Variants in DPYSL2 observed in about 807,000 individuals in gnomAD.
DPYSL2 encodes dihydropyrimidinase like 2, also known as dihydropyrimidinase-related protein 2.
In DPYSL2, 13 loss-of-function variants were observed where a neutral mutation model predicts 69.9. The observed-to-expected ratio is 0.19, with a 90% confidence interval of 0.12 to 0.30. The LOEUF is 0.30. Ranked by LOEUF, DPYSL2 falls within the 10% of genes least tolerant of loss-of-function variation. The pLI is 1.00. For synonymous variants in DPYSL2, 326 were observed against 359.1 expected (o/e 0.91, Z 1.04); for missense variants, 587 against 918.9 (o/e 0.64, Z 4.67).
chr8:26,515,439 C>G (rs926099630), intron 1 of DPYSL2, among the ~76,000 whole-genome samples: 3 of 152,128 alleles, frequency 2.0e-5, no homozygotes, highest in Admixed American at 2.0e-4. Flanking sequence ...GGATTATGTT[C>G]AAAGGGTCAA....
rs1470797472 is a variant in DPYSL2, at chr8:26,648,323, G to C, written c.1596+523G>C. Among the ~76,000 whole-genome samples, 1 of 152,156 alleles carries C rather than the reference G, an allele frequency of 6.6e-6. No homozygotes were observed. Among genetic ancestry groups the C allele is most frequent in the Non-Finnish European group, 1.5e-5 (1 of 68,022 alleles). On this transcript the variant is annotated intron_variant, in intron 11 of 13. Coordinates refer to ENST00000521913, the MANE Select transcript of DPYSL2 (RefSeq NM_001197293.3). This position sits in a 1 kb window ranked among gnomAD's most constrained non-coding sequence, Gnocchi z 4.3. The stretch of plus-strand genomic sequence containing the variant: ...TTCTCCCTAACAGAAGTACCCCCCA[G>C]CCATTTGATTGTTGTTTTAGGATCT...
chr8:26,613,467 TTCCTGCAGTGGGTGCCCATCC>T (rs1439327907), intron 3 of DPYSL2, among the ~76,000 whole-genome samples: 1 of 152,226 alleles, frequency 6.6e-6, no homozygotes, highest in Non-Finnish European at 1.5e-5. Context: ...AGTGGCTCCC[TTCCTGCAGTGGGTGCCCATCC>T]TGGCAGGTAC....
chr8:26,559,713 G>A (rs373441322), intron 1 of DPYSL2, among the ~76,000 whole-genome samples: 17 of 151,950 alleles, frequency 1.1e-4, no homozygotes, highest in Non-Finnish European at 2.1e-4. Flanking sequence ...TTAATTTATC[G>A]TCTACTTTTA....
intron 1 of DPYSL2, among the ~76,000 whole-genome samples, chr8:26,532,520 G>A (rs79158958): frequency 1.3e-5 from 2 of 152,074 alleles, no homozygotes; most frequent in African/African-American, 4.8e-5. Context: ...GTAAACAGTC[G>A]CTATCCATTT....
Position 26,627,099 on chromosome 8 carries a change from A to G in DPYSL2, c.856-116A>G, listed in dbSNP as rs922271555. 28 of 921,184 alleles carry G rather than the reference A, an allele frequency of 3.0e-5. No homozygotes were observed. Among genetic ancestry groups the G allele is most frequent in the African/African-American group, 2.0e-4 (12 of 60,588 alleles). The allele number at this position is 921,184 out of a possible 1,614,324, so 57.1% of individuals were successfully genotyped here. A position where few individuals can be genotyped will look rare whatever the true frequency, so the allele number is the denominator to read the frequency against. On this transcript the variant is annotated intron_variant, in intron 5 of 13. Coordinates refer to ENST00000521913, the MANE Select transcript of DPYSL2 (RefSeq NM_001197293.3). This position sits in a 1 kb window ranked among gnomAD's most constrained non-coding sequence, Gnocchi z 6.9. ...TATCAAAAAAAGTCAGGCTAATAGA[A>G]TCGCCTAGGTGTCCTGTTTCTCATC...
chr8:26,567,051 C>G (rs1801161398), intron 1 of DPYSL2, among the ~76,000 whole-genome samples: 1 of 151,816 alleles, frequency 6.6e-6, no homozygotes, highest in Admixed American at 6.6e-5. Flanking sequence ...CACCTACCCA[C>G]TCAGCCATCC....
intron 1 of DPYSL2, among the ~76,000 whole-genome samples, chr8:26,569,599 G>A (rs941485708): frequency 6.6e-6 from 1 of 152,108 alleles, no homozygotes; most frequent in Admixed American, 6.5e-5. Context: ...TGGTTTAGGG[G>A]CTTTGCAATT....
Position 26,582,376 on chromosome 8 carries a change from C to G in DPYSL2, c.443+319C>G, listed in dbSNP as rs1268686728. Among the ~76,000 whole-genome samples the G allele has an allele frequency of 6.6e-6, 1 of 152,124 alleles. No homozygotes were observed. The highest frequency in any genetic ancestry group is 1.5e-5 in the Non-Finnish European group (1 of 68,020). On this transcript the variant is annotated intron_variant, in intron 2 of 13. Transcript: ENST00000521913. The surrounding 1 kb of genome is among the most constrained non-coding windows in gnomAD (Gnocchi z 4.1). ...ATATGTTGAATATATTAAAGTTTTG[C>G]CTAGAATGTCATTGTTTGGGTTGGA...
chr8:26,639,699 T>C (rs1802997434), intron 8 of DPYSL2, among the ~76,000 whole-genome samples: 1 of 152,184 alleles, frequency 6.6e-6, no homozygotes, highest in Non-Finnish European at 1.5e-5. Context: ...TACAAAAATG[T>C]TTAAGGTATC....
rs143332973 is a variant in DPYSL2 at position 26,634,045 on chromosome 8, A to G, written c.1006-735A>G. ...ACTCAAGACCCTGGGAGCAGAATGA[A>G]TATATGGAATTGAGAGCAATCAGTG... is the stretch of plus-strand genomic sequence containing the variant. On this transcript the variant is annotated intron_variant, in intron 7 of 13. Transcript: ENST00000521913. Among the ~76,000 whole-genome samples, 902 of 152,338 alleles carry G rather than the reference A, an allele frequency of 5.9e-3. 7 individuals are homozygous for G. Among genetic ancestry groups the G allele is most frequent in the South Asian group, 0.033 (161 of 4,824 alleles).
intron 3 of DPYSL2, among the ~76,000 whole-genome samples, chr8:26,622,510 T>C (rs1000663661): frequency 6.6e-6 from 1 of 151,258 alleles, no homozygotes; most frequent in Non-Finnish European, 1.5e-5. Context: ...ATATATATTT[T>C]TTTTTTTCTT....
chr8:26,558,288 A>G (rs1023606658), intron 1 of DPYSL2, among the ~76,000 whole-genome samples: 1 of 152,216 alleles, frequency 6.6e-6, no homozygotes, highest in Non-Finnish European at 1.5e-5. Flanking sequence ...CAAGCCATTA[A>G]AAGAAATGAA....
At position 26,647,808 on chromosome 8, in the gene DPYSL2, C is replaced by G; in HGVS notation, c.1596+8C>G. ...GCCAAGACACACAACAGCGTAAGAC[C>G]TGTTAACTGTGCAGACCCCATCCAA... On this transcript the variant is annotated splice_region_variant and intron_variant, in intron 11 of 13. Coordinates refer to ENST00000521913, the MANE Select transcript of DPYSL2 (RefSeq NM_001197293.3). This position sits in a 1 kb window ranked among gnomAD's most constrained non-coding sequence, Gnocchi z 5.1. 1 of 1,609,708 alleles carries G rather than the reference C, an allele frequency of 6.2e-7. No homozygotes were observed. Among genetic ancestry groups the G allele is most frequent in the South Asian group, 1.1e-5 (1 of 90,296 alleles).
chr8:26,583,740 A>G (rs1187326195), intron 2 of DPYSL2, 59 bp from the exon 3 acceptor site: 6 of 1,490,082 alleles, frequency 4.0e-6, no homozygotes, highest in East Asian at 4.5e-5. Flanking sequence ...AGTAGCTGTC[A>G]GATCCCATTT....
In DPYSL2 at chr8:26,624,277, G is replaced by A; in HGVS notation, c.763G>A (p.Glu255Lys). The change falls in exon 4 of 14, where the codon GAG (glutamate) becomes AAG (lysine). Residue 255 changes from glutamate to lysine, a missense_variant. Glu to Lys is a moderately conservative substitution (Grantham distance 56, BLOSUM62 1). Coordinates refer to ENST00000521913, the MANE Select transcript of DPYSL2 (RefSeq NM_001197293.3). This position sits in a 1 kb window ranked among gnomAD's most constrained non-coding sequence, Gnocchi z 4.7. ...DISEWHKGIQ[E>K]EMEALVKDHG... ...CAGTGAGTGGCATAAGGGCATCCAG[G>A]AGGAGATGGAAGCGCTTGTGAAGGA... 6.2e-7 allele frequency: 1 copy of A among 1,614,194 alleles called. No individual in the cohort carries two copies. The highest frequency in any genetic ancestry group is 8.5e-7 in the Non-Finnish European group (1 of 1,180,036).
chr8:26,539,837 C>T (rs1311045497), intron 1 of DPYSL2, among the ~76,000 whole-genome samples: 1 of 152,212 alleles, frequency 6.6e-6, no homozygotes, highest in Non-Finnish European at 1.5e-5. Context: ...CCAACACCCT[C>T]ACACCCACCT....
chr8:26,602,680 A>ATTC (rs1802019061), intron 3 of DPYSL2, among the ~76,000 whole-genome samples: 1 of 152,188 alleles, frequency 6.6e-6, no homozygotes, highest in African/African-American at 2.4e-5. Context: ...TTATTCATCC[A>ATTC]TTCATCCATT....
At chr8:26,590,021 G>T (rs1046003675) in intron 3 of DPYSL2, among the ~76,000 whole-genome samples, 1 of 152,332 alleles carries the variant, frequency 6.6e-6, no homozygotes, top group African/African-American at 2.4e-5. Context: ...CTTGTCATTT[G>T]TTCATCCATG....
intron 1 of DPYSL2, among the ~76,000 whole-genome samples, chr8:26,524,773 G>A (rs71519604): frequency 1.8e-5 from 2 of 112,842 alleles, no homozygotes; most frequent in Non-Finnish European, 3.3e-5. Context: ...CTGCACTCAA[G>A]CCTGAAGGAC....
Sources: gnomAD v4.1 joint callset for allele counts (sites outside exome capture counted in the v4.1 genomes callset) on GRCh38, gnomAD v4.1.1 for gene constraint, Gnocchi (gnomAD v3.1) non-coding constraint, MANE v1.5 for transcripts, NCBI Gene and HGNC (gene_info 2026-07-23, HGNC 2026-07-21) for gene names.